ATP2B1: variants seen among roughly 807,000 people sequenced by gnomAD.
ATP2B1 encodes the protein ATPase plasma membrane Ca2+ transporting 1.
ATP2B1 carries 14 observed loss-of-function variants against 124.2 expected under a neutral mutation model. That is an observed-to-expected ratio of 0.11 (90% CI 0.07 to 0.18). The LOEUF (loss-of-function observed/expected upper bound fraction) is 0.18. Among genes scored for constraint, ATP2B1 ranks in the 10% least tolerant of loss-of-function variants. The probability of loss-of-function intolerance (pLI) is 1.00; values close to 1 mark genes in which losing one functional copy is unlikely to be tolerated. For synonymous variants in ATP2B1, 449 were observed against 492.4 expected (o/e 0.91, Z 1.17); for missense variants, 763 against 1,466.1 (o/e 0.52, Z 7.83).
intron 19 of ATP2B1, among the ~76,000 whole-genome samples, chr12:89,601,113 A>C (rs1384725567): frequency 6.6e-6 from 1 of 152,214 alleles, no homozygotes; most frequent in East Asian, 1.9e-4. Flanking sequence ...ATAAAAAGTT[A>C]GGATAGTATT....
At position 89,589,017 on chromosome 12, in the gene ATP2B1, A is replaced by C. The variant is rs1873094235; in HGVS notation, c.*1967T>G. ...GAAACCAGGTCTTGACTCCTAGTCT[A>C]ATATGCTTTCCAGCATATCATGCTA... On this transcript the variant is annotated 3_prime_UTR_variant, in exon 21 of 21. Coordinates refer to ENST00000428670, the MANE Select transcript of ATP2B1 (RefSeq NM_001366521.1). The C allele has an allele frequency of 6.6e-6, 1 of 152,606 alleles. No individual in the cohort carries two copies. Among genetic ancestry groups the C allele is most frequent in the Non-Finnish European group, 1.5e-5 (1 of 68,022 alleles). The allele number at this position is 152,606 out of a possible 1,614,324, so 9.5% of individuals were successfully genotyped here.
rs1592766060 is a variant in ATP2B1 at position 89,622,141 on chromosome 12, TGTACTGTTAA to T, written c.1345-360_1345-351del. On this transcript the variant is annotated intron_variant, in intron 9 of 20. Transcript: ENST00000428670. ...TCACATTGCAAGAGCAATGACAATC[TGTACTGTTAA>T]GTACAGTGGTACTTATAGTAGTGTA... Among the ~76,000 whole-genome samples, 5 of 152,204 alleles carry T rather than the reference TGTACTGTTAA, an allele frequency of 3.3e-5. No homozygotes were observed. In the East Asian group the frequency reaches 9.6e-4, roughly 29 times the overall value.
At chr12:89,708,230 G>A (rs894896346) in intron 1 of ATP2B1, among the ~76,000 whole-genome samples, 47 of 152,260 alleles carry the variant, frequency 3.1e-4, no homozygotes, top group Non-Finnish European at 5.1e-4. Flanking sequence ...CCGTGGCGGG[G>A]GCGACCGGTG....
At chr12:89,700,905 A>C (rs1891767074) in intron 1 of ATP2B1, among the ~76,000 whole-genome samples, 1 of 152,214 alleles carries the variant, frequency 6.6e-6, no homozygotes, top group Non-Finnish European at 1.5e-5. Flanking sequence ...AAAATGAATA[A>C]TTTCTGGAGA....
intron 2 of ATP2B1, among the ~76,000 whole-genome samples, chr12:89,654,138 C>T (rs1456293076): frequency 6.6e-6 from 1 of 152,180 alleles, no homozygotes; most frequent in African/African-American, 2.4e-5. Flanking sequence ...TATATAACAT[C>T]TCAAAGTCGG....
Position 89,634,923 on chromosome 12 carries a change from ATACTAAAC to A in ATP2B1, c.662-28_662-21del. 3 of 1,611,348 alleles carry A rather than the reference ATACTAAAC, an allele frequency of 1.9e-6. No individual in the cohort carries two copies. The highest frequency in any genetic ancestry group is 2.5e-6 in the Non-Finnish European group (3 of 1,178,792). On this transcript the variant is annotated intron_variant, in intron 4 of 20. Coordinates refer to ENST00000428670, the MANE Select transcript of ATP2B1 (RefSeq NM_001366521.1). Reference sequence around the variant, plus strand: ...GATCACCTAAAATAAAAAGCATGATATACTAAACTTATAAACAAGATTACAGTAATTTT... The same window carrying A: ...GATCACCTAAAATAAAAAGCATGATATTATAAACAAGATTACAGTAATTTT...
chr12:89,601,093 A>T lies in ATP2B1; in HGVS notation c.3168+233T>A, dbSNP rs182748417. ...CTACAAAACTTCTAAAAAACAAGTT[A>T]AAAAAACACATAAAAAGTTAGGATA... is the stretch of plus-strand genomic sequence containing the variant. On this transcript the variant is annotated intron_variant, in intron 19 of 20. Coordinates refer to ENST00000428670, the MANE Select transcript of ATP2B1 (RefSeq NM_001366521.1). Among the ~76,000 whole-genome samples the T allele has an allele frequency of 1.9e-3, 290 of 152,290 alleles. 1 individual carries two copies. The highest frequency in any genetic ancestry group is 6.8e-3 in the African/African-American group (282 of 41,560).
intron 1 of ATP2B1, among the ~76,000 whole-genome samples, chr12:89,678,656 T>C (rs960384659): frequency 6.6e-6 from 1 of 152,182 alleles, no homozygotes; most frequent in Non-Finnish European, 1.5e-5. Context: ...GCATGTGTCT[T>C]ACTAACAAAA....
chr12:89,642,931 T>C (rs1292272342), intron 2 of ATP2B1, among the ~76,000 whole-genome samples: 3 of 151,912 alleles, frequency 2.0e-5, no homozygotes, highest in Non-Finnish European at 2.9e-5. Context: ...GATCGTACTA[T>C]CCTATACCAT....
chr12:89,614,125 T>C (rs1216728234), intron 12 of ATP2B1, among the ~76,000 whole-genome samples: 1 of 152,204 alleles, frequency 6.6e-6, no homozygotes, highest in Non-Finnish European at 1.5e-5. Flanking sequence ...AAGTTGCAGA[T>C]ACCCTGATTT....
intron 1 of ATP2B1, among the ~76,000 whole-genome samples, chr12:89,672,852 T>C (rs1592935901): frequency 6.6e-6 from 1 of 152,256 alleles, no homozygotes; most frequent in African/African-American, 2.4e-5. Context: ...CGGTTATCTG[T>C]ATACACTTGA....
chr12:89,597,648 CTCTG>C (rs928725666), intron 20 of ATP2B1, among the ~76,000 whole-genome samples: 2 of 152,088 alleles, frequency 1.3e-5, no homozygotes, highest in African/African-American at 4.8e-5. Flanking sequence ...AAAGATAGGT[CTCTG>C]TCTACTTCAA....
At chr12:89,658,942 C>T (rs1352355681) in intron 1 of ATP2B1, among the ~76,000 whole-genome samples, 1 of 152,320 alleles carries the variant, frequency 6.6e-6, no homozygotes, top group Admixed American at 6.5e-5. Context: ...CAATCACCTA[C>T]AAATTATGCA....
rs1435237593 is a variant in ATP2B1, at chr12:89,589,568, TGA to T, written c.*1414_*1415del. On this transcript the variant is annotated 3_prime_UTR_variant, in exon 21 of 21. Transcript: ENST00000428670. Reference sequence around the variant, plus strand: ...TCATTGTTGTTATGTTTTTTACCTGTGAGACTATTTTAGACAAACTAAATTCA... The same window carrying T: ...TCATTGTTGTTATGTTTTTTACCTGTGACTATTTTAGACAAACTAAATTCA... The T allele has an allele frequency of 1.3e-5, 2 of 152,156 alleles. No individual in the cohort carries two copies. The highest frequency in any genetic ancestry group is 4.8e-5 in the African/African-American group (2 of 41,440). The allele number at this position is 152,156 out of a possible 1,614,324, so 9.4% of individuals were successfully genotyped here.
At chr12:89,616,528 G>T (rs1245934653) in intron 12 of ATP2B1, among the ~76,000 whole-genome samples, 1 of 152,056 alleles carries the variant, frequency 6.6e-6, no homozygotes, top group African/African-American at 2.4e-5. Flanking sequence ...TTTAATTTAA[G>T]ATAAATAATA....
intron 1 of ATP2B1, among the ~76,000 whole-genome samples, chr12:89,707,060 CAGG>C (rs1892540528): frequency 6.6e-6 from 1 of 151,964 alleles, no homozygotes; most frequent in Admixed American, 6.5e-5. Flanking sequence ...TTGAACTCAC[CAGG>C]AGGATAAAGA....
At chr12:89,642,081 C>G in intron 3 of ATP2B1, 77 bp downstream of exon 3, 2 of 1,381,392 alleles carry the variant, frequency 1.4e-6, no homozygotes, top group Middle Eastern at 3.7e-4. Context: ...TGCTGGCCAG[C>G]TATTATTATT....
chr12:89,683,240 A>C (rs1889570570), intron 1 of ATP2B1, among the ~76,000 whole-genome samples: 1 of 152,216 alleles, frequency 6.6e-6, no homozygotes, highest in Non-Finnish European at 1.5e-5. Flanking sequence ...GCAATTTTAA[A>C]ACTTAGTCAC....
At position 89,635,063 on chromosome 12, in the gene ATP2B1, C is replaced by T. The variant is rs779604481; in HGVS notation, c.595G>A (p.Gly199Ser). 2 of 1,613,928 alleles carry T rather than the reference C, an allele frequency of 1.2e-6. No homozygotes were observed. The highest frequency in any genetic ancestry group is 1.1e-5 in the South Asian group (1 of 91,066). ...EQEQKFTVIRGGQVIQIPVAD... is the reference protein window; with the variant it reads ...EQEQKFTVIRSGQVIQIPVAD... ...ACAGGTATCTGAATGACCTGACCACCCCTGATGACAGTGAACTTCTGTTCT... is the reference window on the plus strand; with the variant it reads ...ACAGGTATCTGAATGACCTGACCACTCCTGATGACAGTGAACTTCTGTTCT... Residue 199 changes from glycine (G) to serine (S), a missense_variant, in exon 4 of 21, where the codon GGT becomes AGT. Transcript: ENST00000428670.
Sources: gnomAD v4.1 joint callset for allele counts (sites outside exome capture counted in the v4.1 genomes callset) on GRCh38, gnomAD v4.1.1 for gene constraint, MANE v1.5 for transcripts, NCBI Gene and HGNC (gene_info 2026-07-23, HGNC 2026-07-21) for gene names.